MOB1B: variants seen among roughly 807,000 people sequenced by gnomAD.
MOB1B encodes the protein MOB1 Mps One Binder homolog B.
A neutral mutation model predicts 24.4 loss-of-function variants in MOB1B; 19 were observed. That is an observed-to-expected ratio of 0.78 (90% CI 0.54 to 1.14). The LOEUF is 1.14. Among genes scored for constraint, MOB1B ranks in the 50% most tolerant of loss-of-function variants. MOB1B has a pLI of 0.00. For synonymous variants in MOB1B, 76 were observed against 82.1 expected, an observed-to-expected ratio of 0.93 and a Z score of 0.40; for missense variants, 243 against 259.6, an observed-to-expected ratio of 0.94 and a Z score of 0.44.
At chr4:70,968,061 G>C (rs761734284) in intron 2 of MOB1B, among the ~76,000 whole-genome samples, 7 of 152,116 alleles carry the variant, frequency 4.6e-5, no homozygotes, top group Non-Finnish European at 2.9e-5. Context: ...TGCCCAAGGT[G>C]GTCCCAAACT....
At chr4:70,975,960 C>T (rs191077814) in intron 4 of MOB1B, 70 of 409,750 alleles carry the variant, frequency 1.7e-4, no homozygotes, top group Non-Finnish European at 2.2e-4. Flanking sequence ...AGTGCAGTGG[C>T]GTGATCTTGG....
rs1313012954 is a variant in MOB1B at position 70,983,392 on chromosome 4, T to G, written c.*1335T>G. 6.6e-6 allele frequency: 1 copy of G among 152,612 alleles called. No homozygotes were observed. The highest frequency in any genetic ancestry group is 1.5e-5 in the Non-Finnish European group (1 of 68,020). 9.5% of individuals were successfully genotyped at this position (152,612 alleles called of 1,614,324 possible). A position where few individuals can be genotyped will look rare whatever the true frequency, so the allele number is the denominator to read the frequency against. ...TGCTAATTCAGTAGTTATTAACTTCTAAATTTTATTCGCCATGACTTTCTA... is the reference window on the plus strand; with the variant it reads ...TGCTAATTCAGTAGTTATTAACTTCGAAATTTTATTCGCCATGACTTTCTA... On this transcript the variant is annotated 3_prime_UTR_variant, in exon 6 of 6. Coordinates refer to ENST00000309395, the MANE Select transcript of MOB1B (RefSeq NM_173468.4).
intron 1 of MOB1B, among the ~76,000 whole-genome samples, chr4:70,919,591 C>T (rs567128278): frequency 2.3e-4 from 35 of 152,150 alleles, no homozygotes; most frequent in Middle Eastern, 6.8e-3. Context: ...CTCTGCCTCC[C>T]GGGTTCAAGT....
chr4:70,947,979 A>T (rs576471033), intron 1 of MOB1B, among the ~76,000 whole-genome samples: 2 of 152,208 alleles, frequency 1.3e-5, no homozygotes, highest in Non-Finnish European at 2.9e-5. Context: ...GCTTTTTTAT[A>T]TCTAGAAACT....
intron 1 of MOB1B, among the ~76,000 whole-genome samples, chr4:70,952,642 C>CAAAA (rs541028817): frequency 5.6e-5 from 3 of 54,026 alleles, no homozygotes; most frequent in African/African-American, 1.5e-4. Flanking sequence ...GACGCCGTCT[C>CAAAA]AAAAAAAAAA....
chr4:70,907,794 C>G (rs1735809779), intron 1 of MOB1B, among the ~76,000 whole-genome samples: 1 of 152,152 alleles, frequency 6.6e-6, no homozygotes, highest in East Asian at 1.9e-4. Flanking sequence ...GCCTGGGTGA[C>G]AGAGTGAGAC....
chr4:70,950,803 G>A (rs1224195037), intron 1 of MOB1B: 2 of 1,516,914 alleles, frequency 1.3e-6, no homozygotes, highest in African/African-American at 1.4e-5. Context: ...CTACTGATGT[G>A]AATGAAAGGT....
chr4:70,939,425 A>C (rs1421386810), intron 1 of MOB1B, among the ~76,000 whole-genome samples: 1 of 152,172 alleles, frequency 6.6e-6, no homozygotes, highest in East Asian at 1.9e-4. Flanking sequence ...CACACCTGTA[A>C]TCTCACACCC....
intron 2 of MOB1B, among the ~76,000 whole-genome samples, chr4:70,963,541 C>T (rs533746984): frequency 6.6e-6 from 1 of 151,472 alleles, no homozygotes; most frequent in East Asian, 2.0e-4. Context: ...GTTGATTGTC[C>T]GGGCATGGTG....
chr4:70,987,940 A>C lies in MOB1B; in HGVS notation c.*5883A>C, dbSNP rs1158631962. ...TATTACAAACTGTGCCGGATTATGC[A>C]AATTGTAGTTGTTACTGATCAAAGT... On this transcript the variant is annotated 3_prime_UTR_variant, in exon 6 of 6. Transcript: ENST00000309395. 4 of 152,640 alleles carry C rather than the reference A, an allele frequency of 2.6e-5. No individual in the cohort carries two copies. Among genetic ancestry groups the C allele is most frequent in the Non-Finnish European group, 1.5e-5 (1 of 68,030 alleles). 9.5% of individuals were successfully genotyped at this position (152,640 alleles called of 1,614,324 possible).
chr4:70,934,946 A>T (rs1430094260), intron 1 of MOB1B, among the ~76,000 whole-genome samples: 1 of 151,804 alleles, frequency 6.6e-6, no homozygotes, highest in Non-Finnish European at 1.5e-5. Context: ...TATTATTATT[A>T]TATGTATATT....
At chr4:70,929,953 C>G (rs1186475532) in intron 1 of MOB1B, among the ~76,000 whole-genome samples, 1 of 152,076 alleles carries the variant, frequency 6.6e-6, no homozygotes, top group African/African-American at 2.4e-5. Flanking sequence ...CAGCGTCTCC[C>G]TATGTTGCCC....
chr4:70,925,577 TG>T lies in MOB1B; in HGVS notation c.14+23028del, dbSNP rs1736616541. 5.3e-5 allele frequency among the ~76,000 whole-genome samples: 8 copies of T among 152,312 alleles called. No homozygotes were observed. In the South Asian group the frequency reaches 1.7e-3, roughly 32 times the overall value. ...ACATAACCATAATCCTTGAGAAGTTTGCTGTAGACTCTCAAAGTGTGGATCT... is the reference window on the plus strand; with the variant it reads ...ACATAACCATAATCCTTGAGAAGTTTCTGTAGACTCTCAAAGTGTGGATCT... On this transcript the variant is annotated intron_variant, in intron 1 of 5. Transcript: ENST00000309395.
At chr4:70,963,961 A>G (rs1012095237) in intron 2 of MOB1B, among the ~76,000 whole-genome samples, 2 of 152,260 alleles carry the variant, frequency 1.3e-5, no homozygotes, top group Admixed American at 6.5e-5. Flanking sequence ...AAAGTTAAAC[A>G]CTAATCCAAA....
intron 1 of MOB1B, among the ~76,000 whole-genome samples, chr4:70,933,101 G>A (rs74667427): frequency 6.6e-6 from 1 of 152,096 alleles, no homozygotes; most frequent in Admixed American, 6.5e-5. Flanking sequence ...TAACAATCAT[G>A]GCAGAAGGGG....
In MOB1B at chr4:70,914,177, A is replaced by T. The variant is rs145400166; in HGVS notation, c.14+11627A>T. On this transcript the variant is annotated intron_variant, in intron 1 of 5. Transcript: ENST00000309395. ...TTTACGAGGGCTTCACCAGACATCA[A>T]ATCTGCTGGTGACTTGATCTTGAAC... Among the ~76,000 whole-genome samples, 199 of 152,308 alleles carry T rather than the reference A, an allele frequency of 1.3e-3. 3 individuals carry two copies. In the South Asian group the frequency reaches 0.032, roughly 25 times the overall value.
At chr4:70,922,213 A>G (rs538329593) in intron 1 of MOB1B, among the ~76,000 whole-genome samples, 1 of 152,366 alleles carries the variant, frequency 6.6e-6, no homozygotes, top group South Asian at 2.1e-4. Flanking sequence ...GAACAATTCC[A>G]CAATTTTAGA....
At chr4:70,976,478 T>C in intron 4 of MOB1B, 1 of 985,336 alleles carries the variant, frequency 1.0e-6, no homozygotes, top group Non-Finnish European at 1.2e-6. Flanking sequence ...CTTTTTTGTA[T>C]TTACTTTTAA....
intron 2 of MOB1B, among the ~76,000 whole-genome samples, chr4:70,961,364 G>A (rs941101072): frequency 5.9e-5 from 9 of 152,174 alleles, no homozygotes; most frequent in South Asian, 2.1e-4. Flanking sequence ...CCAAGCGGAC[G>A]GAGTGAGATG....
Sources: allele counts gnomAD v4.1 joint callset (sites outside exome capture counted in the v4.1 genomes callset), GRCh38; gene constraint gnomAD v4.1.1; transcripts MANE v1.5; gene names NCBI Gene and HGNC (gene_info 2026-07-23, HGNC 2026-07-21).